SGPP2: variants seen among roughly 807,000 people sequenced by gnomAD.
The protein encoded by SGPP2 is sphingosine 1-phosphate phosphohydrolase 2.
A neutral mutation model predicts 33.9 loss-of-function variants in SGPP2; 30 were observed. The ratio of observed to expected loss-of-function variants is 0.89; its 90% CI spans 0.66 to 1.20. The LOEUF is 1.20. Ranked by LOEUF, SGPP2 falls within the 50% of genes most tolerant of loss-of-function variation. The pLI is 0.00. For missense variants in SGPP2, 458 were observed against 532.1 expected (o/e 0.86, Z 1.37); for synonymous variants, 233 against 225.0 (o/e 1.04, Z -0.32).
chr2:222,511,710 A>G (rs1248535424), intron 2 of SGPP2, among the ~76,000 whole-genome samples: 2 of 152,228 alleles, frequency 1.3e-5, no homozygotes, highest in Non-Finnish European at 2.9e-5. Context: ...CTTTTGAGAC[A>G]GGGTCTTGGT....
At chr2:222,488,776 A>G (rs2071429391) in intron 2 of SGPP2, among the ~76,000 whole-genome samples, 1 of 152,204 alleles carries the variant, frequency 6.6e-6, no homozygotes, top group Admixed American at 6.5e-5. Flanking sequence ...GTGTACAAAC[A>G]TAGACACACA....
rs1697730277 is a variant in SGPP2, at chr2:222,465,420, TC to T, written c.220-9147del. ...TTTATAGGTTGGAAAGTCTTGATTC[TC>T]TTAAAAAAAAAAAAGTGAGTAATTA... On this transcript the variant is annotated intron_variant, in intron 1 of 4. Coordinates refer to ENST00000321276, the MANE Select transcript of SGPP2 (RefSeq NM_152386.4). The surrounding 1 kb of genome is among the most constrained non-coding windows in gnomAD (Gnocchi z 4.1). Among the ~76,000 whole-genome samples the T allele has an allele frequency of 9.3e-5, 1 of 10,768 alleles. No homozygotes were observed. The highest frequency in any genetic ancestry group is 1.0e-3 in the African/African-American group (1 of 992). 7.1% of individuals were successfully genotyped at this position (10,768 alleles called of 152,430 possible). A position where few individuals can be genotyped will look rare whatever the true frequency, so the allele number is the denominator to read the frequency against.
At chr2:222,514,621 T>C (rs1370269238) in intron 2 of SGPP2, among the ~76,000 whole-genome samples, 1 of 57,750 alleles carries the variant, frequency 1.7e-5, no homozygotes, top group African/African-American at 3.0e-5. Flanking sequence ...TAGTGTTTAC[T>C]TGTAAAAGAG....
intron 4 of SGPP2, among the ~76,000 whole-genome samples, chr2:222,541,389 G>T (rs1347125290): frequency 6.6e-6 from 1 of 152,112 alleles, no homozygotes; most frequent in Non-Finnish European, 1.5e-5. Flanking sequence ...TTAATAAATG[G>T]AAGGACAGCA....
intron 2 of SGPP2, among the ~76,000 whole-genome samples, chr2:222,514,065 C>A (rs1330575841): frequency 1.3e-5 from 2 of 152,116 alleles, no homozygotes; most frequent in Non-Finnish European, 2.9e-5. Flanking sequence ...TCTTAAAATT[C>A]ATAGATAATA....
At chr2:222,515,020 TAA>T (rs540896338) in intron 2 of SGPP2, among the ~76,000 whole-genome samples, 43 of 141,340 alleles carry the variant, frequency 3.0e-4, no homozygotes, top group Middle Eastern at 3.5e-3. Flanking sequence ...ATTCTTTCAT[TAA>T]AAAAAAAAAA....
intron 2 of SGPP2, among the ~76,000 whole-genome samples, chr2:222,495,751 G>T (rs897750392): frequency 6.6e-6 from 1 of 152,056 alleles, no homozygotes; most frequent in African/African-American, 2.4e-5. Flanking sequence ...CCCATTCTTT[G>T]GCTCATAAAT....
intron 1 of SGPP2, among the ~76,000 whole-genome samples, chr2:222,468,102 C>A (rs551651408): frequency 6.6e-6 from 1 of 150,736 alleles, no homozygotes; most frequent in Non-Finnish European, 1.5e-5. Flanking sequence ...AAGTTAATTA[C>A]AGGAAGATGA....
chr2:222,545,117 T>G (rs1341860056), intron 4 of SGPP2, among the ~76,000 whole-genome samples: 1 of 152,184 alleles, frequency 6.6e-6, no homozygotes, highest in Non-Finnish European at 1.5e-5. Context: ...AGGAAAGATT[T>G]TAGACTTTAC....
At chr2:222,478,746 G>A (rs745954225) in intron 2 of SGPP2, among the ~76,000 whole-genome samples, 3 of 151,982 alleles carry the variant, frequency 2.0e-5, no homozygotes, top group Non-Finnish European at 2.9e-5. Flanking sequence ...AAAATCTTGT[G>A]TTACATTAAG....
rs187189226 is a variant in SGPP2 at position 222,449,068 on chromosome 2, A to G, written c.219+24247A>G. Among the ~76,000 whole-genome samples the G allele has an allele frequency of 1.2e-4, 19 of 152,296 alleles. No homozygotes were observed. The East Asian group carries it at 3.7e-3, about 29-fold the overall frequency. On this transcript the variant is annotated intron_variant, in intron 1 of 4. Coordinates refer to ENST00000321276, the MANE Select transcript of SGPP2 (RefSeq NM_152386.4). ...ACTGGATTACAGAGAGAGGGTGTAG[A>G]ATTTCCGTCTGTGGAGATTCCGAAA...
chr2:222,525,086 A>G, intron 4 of SGPP2, 53 bp downstream of exon 4: 2 of 1,334,336 alleles, frequency 1.5e-6, no homozygotes, highest in Admixed American at 3.8e-5. Flanking sequence ...TATTGTGGTC[A>G]GTGTGTCAAT....
Position 222,561,376 on chromosome 2 carries a change from A to G in SGPP2, c.*2478A>G, listed in dbSNP as rs1325053785. 6.6e-6 allele frequency among the ~76,000 whole-genome samples: 1 copy of G among 152,126 alleles called. No individual in the cohort carries two copies. The highest frequency in any genetic ancestry group is 1.5e-5 in the Non-Finnish European group (1 of 68,028). ...CACAGCTGCCCAGCCAGAGTTCGCAACACTGGATATTTACACCAAATAATT... is the reference window on the plus strand; with the variant it reads ...CACAGCTGCCCAGCCAGAGTTCGCAGCACTGGATATTTACACCAAATAATT... On this transcript the variant is annotated 3_prime_UTR_variant, in exon 5 of 5. Coordinates refer to ENST00000321276, the MANE Select transcript of SGPP2 (RefSeq NM_152386.4).
At chr2:222,536,158 AGT>A (rs1334419455) in intron 4 of SGPP2, among the ~76,000 whole-genome samples, 1 of 152,160 alleles carries the variant, frequency 6.6e-6, no homozygotes, top group African/African-American at 2.4e-5. Flanking sequence ...TGGATTATAT[AGT>A]GTGTTACAGG....
At chr2:222,528,945 C>T (rs963569223) in intron 4 of SGPP2, among the ~76,000 whole-genome samples, 4 of 152,106 alleles carry the variant, frequency 2.6e-5, no homozygotes, top group Admixed American at 1.3e-4. Flanking sequence ...TGAAGTTTGC[C>T]GCATCAATTG....
At chr2:222,490,474 G>A (rs908926422) in intron 2 of SGPP2, among the ~76,000 whole-genome samples, 27 of 152,118 alleles carry the variant, frequency 1.8e-4, no homozygotes, top group African/African-American at 6.5e-4. Context: ...TGTTGCCTAG[G>A]CTAGAGTGCA....
At chr2:222,538,148 G>A (rs537752748) in intron 4 of SGPP2, among the ~76,000 whole-genome samples, 1 of 152,308 alleles carries the variant, frequency 6.6e-6, no homozygotes, top group Non-Finnish European at 1.5e-5. Flanking sequence ...AGTGGTTGCT[G>A]GGAATTGGGG....
intron 1 of SGPP2, among the ~76,000 whole-genome samples, chr2:222,464,792 G>C (rs778452429): frequency 6.6e-6 from 1 of 152,082 alleles, no homozygotes; most frequent in Non-Finnish European, 1.5e-5. Context: ...CCAAGCACAG[G>C]GTTTTAAGTG....
chr2:222,559,002 A>G lies in SGPP2; in HGVS notation c.*104A>G, dbSNP rs1034131101. 8.1e-6 allele frequency: 9 copies of G among 1,116,406 alleles called. No individual in the cohort carries two copies. Among genetic ancestry groups the G allele is most frequent in the Non-Finnish European group, 1.0e-5 (8 of 782,464 alleles). The allele number at this position is 1,116,406 out of a possible 1,614,324, so 69.2% of individuals were successfully genotyped here. On this transcript the variant is annotated 3_prime_UTR_variant, in exon 5 of 5. Coordinates refer to ENST00000321276, the MANE Select transcript of SGPP2 (RefSeq NM_152386.4). ...ACTTATTTTTCTTTAACAACAACAA[A>G]AAGTCATACGGCTGTCTTGCTACTA... is the stretch of plus-strand genomic sequence containing the variant.
Sources: gnomAD v4.1 joint callset for allele counts (sites outside exome capture counted in the v4.1 genomes callset) on GRCh38, gnomAD v4.1.1 for gene constraint, Gnocchi (gnomAD v3.1) non-coding constraint, MANE v1.5 for transcripts, NCBI Gene and HGNC (gene_info 2026-07-23, HGNC 2026-07-21) for gene names.